MED12L: variants seen among roughly 807,000 people sequenced by gnomAD.
MED12L encodes mediator of RNA polymerase II transcription subunit 12-like protein.
A neutral mutation model predicts 281.3 loss-of-function variants in MED12L; 60 were observed. That is an observed-to-expected ratio of 0.21 (90% CI 0.17 to 0.26). The LOEUF is 0.26. Among genes scored for constraint, MED12L ranks in the 10% least tolerant of loss-of-function variants. The pLI is 1.00. For missense variants in MED12L, 2,146 were observed against 2,680.9 expected, an observed-to-expected ratio of 0.80 and a Z score of 4.41; for synonymous variants, 974 against 987.2, an observed-to-expected ratio of 0.99 and a Z score of 0.25.
chr3:151,321,938 T>A (rs189926430), intron 16 of MED12L, among the ~76,000 whole-genome samples: 1 of 152,254 alleles, frequency 6.6e-6, no homozygotes, highest in East Asian at 1.9e-4. Flanking sequence ...CATATTAGAA[T>A]GAGAATGGAG....
rs1265124708 is a variant in MED12L at position 151,280,671 on chromosome 3, G to A, written c.2251-69388G>A. ...CTCTGTTCTGTGGTTTTATTGGCAC[G>A]TAGCAGTACAAGGATGGTGAGGGGT... is the stretch of plus-strand genomic sequence containing the variant. On this transcript the variant is annotated intron_variant, in intron 16 of 44. Transcript: ENST00000687756. Among the ~76,000 whole-genome samples, 9 of 151,930 alleles carry A rather than the reference G, an allele frequency of 5.9e-5. 1 individual carries two copies. The highest frequency in any genetic ancestry group is 4.6e-4 in the Admixed American group (7 of 15,228).
chr3:151,326,922 T>C (rs151308567), intron 16 of MED12L: 1 of 152,304 alleles, frequency 6.6e-6, no homozygotes, highest in African/African-American at 2.4e-5. Flanking sequence ...ACAAGCAGGG[T>C]CACCATCCTT....
intron 16 of MED12L, among the ~76,000 whole-genome samples, chr3:151,306,764 G>A (rs1310595758): frequency 1.3e-5 from 2 of 152,206 alleles, no homozygotes; most frequent in African/African-American, 4.8e-5. Flanking sequence ...CATCTCTCTT[G>A]TTATTGCCCT....
At chr3:151,214,894 T>G (rs970979510) in intron 16 of MED12L, among the ~76,000 whole-genome samples, 1 of 152,230 alleles carries the variant, frequency 6.6e-6, no homozygotes, top group Non-Finnish European at 1.5e-5. Context: ...AAACCTATGT[T>G]GGAAATGTGA....
chr3:151,240,183 G>T (rs1733797990), intron 16 of MED12L, among the ~76,000 whole-genome samples: 1 of 151,846 alleles, frequency 6.6e-6, no homozygotes, highest in Admixed American at 6.6e-5. Flanking sequence ...ATTACTTAAG[G>T]TAGTAGGTAG....
At chr3:151,329,945 G>A (rs912040522) in intron 16 of MED12L, among the ~76,000 whole-genome samples, 22 of 152,190 alleles carry the variant, frequency 1.4e-4, no homozygotes, top group Admixed American at 1.1e-3. Context: ...TGTTCAGGAA[G>A]ACGGTATGTT....
At chr3:151,251,169 G>A (rs993284827) in intron 16 of MED12L, among the ~76,000 whole-genome samples, 17 of 152,086 alleles carry the variant, frequency 1.1e-4, no homozygotes, top group African/African-American at 3.9e-4. Flanking sequence ...TGCCCTGTTA[G>A]CACTTGTGAC....
intron 11 of MED12L, among the ~76,000 whole-genome samples, chr3:151,166,477 A>G (rs1210810985): frequency 2.0e-5 from 3 of 152,024 alleles, no homozygotes; most frequent in African/African-American, 4.8e-5. Context: ...GCGTACATAT[A>G]TGTTTATATC....
At chr3:151,186,603 A>C (rs1380819618) in intron 12 of MED12L, among the ~76,000 whole-genome samples, 1 of 152,174 alleles carries the variant, frequency 6.6e-6, no homozygotes. Flanking sequence ...CAGTCTTTGC[A>C]TGGCCAGCCT....
chr3:151,256,676 T>C (rs1737870181), intron 16 of MED12L, among the ~76,000 whole-genome samples: 1 of 152,236 alleles, frequency 6.6e-6, no homozygotes, highest in Non-Finnish European at 1.5e-5. Flanking sequence ...TTTCTCGTAT[T>C]TTAAGATCTA....
At chr3:151,141,203 T>C (rs1716976768) in intron 5 of MED12L, among the ~76,000 whole-genome samples, 1 of 147,528 alleles carries the variant, frequency 6.8e-6, no homozygotes, top group East Asian at 2.0e-4. Context: ...TTTTTTTTGT[T>C]AGTAGAGACG....
intron 6 of MED12L, among the ~76,000 whole-genome samples, chr3:151,157,997 A>G (rs1194465519): frequency 1.3e-5 from 2 of 152,240 alleles, no homozygotes; most frequent in Admixed American, 6.5e-5. Context: ...ATCTATGTGT[A>G]TATGCATATG....
At chr3:151,395,020 A>G (rs904683245) in intron 39 of MED12L, among the ~76,000 whole-genome samples, 153 bp downstream of exon 39, 1 of 152,206 alleles carries the variant, frequency 6.6e-6, no homozygotes. Context: ...GCTTGTAAAT[A>G]GTTTTCCTCC....
chr3:151,418,665 G>A (rs7642603), intron 43 of MED12L, among the ~76,000 whole-genome samples: 5,848 of 152,104 alleles, frequency 0.038, 423 homozygotes, highest in African/African-American at 0.13. Flanking sequence ...ATCCTTTTGT[G>A]TGTCTTGTGT....
chr3:151,384,349 T>A, intron 35 of MED12L, 131 bp downstream of exon 35: 1 of 950,232 alleles, frequency 1.1e-6, no homozygotes. Flanking sequence ...ATTTGCTATT[T>A]GTTTCACCTA....
intron 16 of MED12L, among the ~76,000 whole-genome samples, chr3:151,261,753 C>A (rs1738946948): frequency 1.3e-5 from 2 of 151,272 alleles, no homozygotes; most frequent in African/African-American, 4.9e-5. Context: ...GAGACAGAGT[C>A]TTGCTGTGTC....
intron 5 of MED12L, among the ~76,000 whole-genome samples, chr3:151,151,034 T>TTTTTTTTTTTTTTTTTC (rs1718418908): frequency 1.1e-5 from 1 of 87,888 alleles, no homozygotes; most frequent in African/African-American, 4.5e-5. Context: ...GAAGTAGCTT[T>TTTTTTTTTTTTTTTTTC]TTTTTTTTTT....
intron 5 of MED12L, among the ~76,000 whole-genome samples, chr3:151,133,073 T>C (rs1715626446): frequency 6.6e-6 from 1 of 152,250 alleles, no homozygotes; most frequent in Admixed American, 6.5e-5. Context: ...AGATTGACTA[T>C]CAAGTGTCAT....
rs186174634 is a variant in MED12L, at chr3:151,284,862, C to G, written c.2251-65197C>G. Among the ~76,000 whole-genome samples, 24 of 152,248 alleles carry G rather than the reference C, an allele frequency of 1.6e-4. No homozygotes were observed. The East Asian group carries it at 4.7e-3, about 30-fold the overall frequency. ...ACCTCAGGTGATCCACCCACCTTGG[C>G]CTCCCAAAGTGCTGGGATTACAGGC... On this transcript the variant is annotated intron_variant, in intron 16 of 44. Coordinates refer to ENST00000687756, the MANE Select transcript of MED12L (RefSeq NM_001393769.1).
Sources: allele counts gnomAD v4.1 joint callset (sites outside exome capture counted in the v4.1 genomes callset), GRCh38; gene constraint gnomAD v4.1.1; transcripts MANE v1.5; gene names NCBI Gene and HGNC (gene_info 2026-07-23, HGNC 2026-07-21).